KCNT2: variants seen among roughly 807,000 people sequenced by gnomAD.
KCNT2 encodes potassium sodium-activated channel subfamily T member 2, also known as potassium channel subfamily T member 2.
Under a neutral mutation model 153.8 loss-of-function variants are expected in KCNT2, and 67 were observed. The ratio of observed to expected loss-of-function variants is 0.44; its 90% CI spans 0.36 to 0.53. The LOEUF (loss-of-function observed/expected upper bound fraction) is 0.53, where lower values mean the gene tolerates loss of function less well. KCNT2 is among the 20% of genes least tolerant of loss of function. The probability of loss-of-function intolerance (pLI) is 0.00; values close to 1 mark genes in which losing one functional copy is unlikely to be tolerated. For synonymous variants in KCNT2, 500 were observed against 458.8 expected (o/e 1.09, Z -1.15); for missense variants, 975 against 1,354.8 (o/e 0.72, Z 4.40).
chr1:196,510,436 T>C (rs371823531), intron 1 of KCNT2, among the ~76,000 whole-genome samples: 2 of 152,132 alleles, frequency 1.3e-5, no homozygotes, highest in Non-Finnish European at 2.9e-5. Flanking sequence ...CCCTAACTTA[T>C]ATTATACACA....
At chr1:196,456,126 C>G (rs981696832) in intron 8 of KCNT2, among the ~76,000 whole-genome samples, 1 of 151,986 alleles carries the variant, frequency 6.6e-6, no homozygotes, top group Non-Finnish European at 1.5e-5. Context: ...TTCTTGCCTG[C>G]CTCAGGAGGC....
intron 2 of KCNT2, among the ~76,000 whole-genome samples, chr1:196,490,653 T>G (rs1176254523): frequency 6.6e-5 from 10 of 151,850 alleles, no homozygotes; most frequent in African/African-American, 2.4e-4. Flanking sequence ...CTTAAACTTT[T>G]GTGGGAATTA....
chr1:196,415,202 G>A (rs1672657430), intron 12 of KCNT2, among the ~76,000 whole-genome samples: 1 of 151,792 alleles, frequency 6.6e-6, no homozygotes, highest in Admixed American at 6.6e-5. Flanking sequence ...GAAAACTGGA[G>A]AAAACATGCA....
intron 26 of KCNT2, among the ~76,000 whole-genome samples, chr1:196,241,360 A>G (rs1004574268): frequency 1.3e-5 from 2 of 152,024 alleles, no homozygotes; most frequent in African/African-American, 4.8e-5. Context: ...TTATCCACCT[A>G]TAAAACTGGC....
intron 19 of KCNT2, among the ~76,000 whole-genome samples, chr1:196,322,829 A>G (rs191968396): frequency 6.6e-6 from 1 of 151,970 alleles, no homozygotes; most frequent in African/African-American, 2.4e-5. Context: ...ATTCCTTGCT[A>G]GACAATATGA....
chr1:196,442,385 C>T (rs990690473), intron 8 of KCNT2, among the ~76,000 whole-genome samples: 63 of 151,900 alleles, frequency 4.1e-4, no homozygotes, highest in African/African-American at 1.5e-3. Context: ...GTGTCAGGCA[C>T]AGTACTTAGT....
chr1:196,435,409 A>G (rs1674569797), intron 8 of KCNT2, among the ~76,000 whole-genome samples: 1 of 151,064 alleles, frequency 6.6e-6, no homozygotes, highest in Non-Finnish European at 1.5e-5. Context: ...AAATTGGGGA[A>G]TTTGAAATGC....
intron 1 of KCNT2, among the ~76,000 whole-genome samples, chr1:196,571,363 A>G (rs1425952232): frequency 6.6e-6 from 1 of 152,116 alleles, no homozygotes; most frequent in Non-Finnish European, 1.5e-5. Flanking sequence ...AGAAAGAATG[A>G]GAGAGGTAAG....
intron 1 of KCNT2, among the ~76,000 whole-genome samples, chr1:196,599,637 G>A (rs1011513218): frequency 3.9e-5 from 6 of 152,168 alleles, no homozygotes; most frequent in Non-Finnish European, 5.9e-5. Flanking sequence ...AGACTCTAAA[G>A]AGGAAAGAGG....
At chr1:196,360,955 T>C (rs1667566743) in intron 14 of KCNT2, among the ~76,000 whole-genome samples, 1 of 151,976 alleles carries the variant, frequency 6.6e-6, no homozygotes, top group Non-Finnish European at 1.5e-5. Flanking sequence ...CATTATGTAG[T>C]ATCCTGATGA....
At chr1:196,514,416 C>T (rs1442949108) in intron 1 of KCNT2, among the ~76,000 whole-genome samples, 1 of 152,130 alleles carries the variant, frequency 6.6e-6, no homozygotes, top group Non-Finnish European at 1.5e-5. Context: ...TCTTCTTCAG[C>T]CTTCCCCTCA....
chr1:196,514,478 G>A (rs1295642879), intron 1 of KCNT2, among the ~76,000 whole-genome samples: 1 of 152,046 alleles, frequency 6.6e-6, no homozygotes, highest in East Asian at 1.9e-4. Context: ...TCTATGTGGG[G>A]AAAACACCAC....
chr1:196,431,493 G>A (rs562744852), intron 8 of KCNT2, among the ~76,000 whole-genome samples: 161 of 152,144 alleles, frequency 1.1e-3, no homozygotes, highest in African/African-American at 3.8e-3. Flanking sequence ...GGGAAATACC[G>A]ACGGTAACGG....
At chr1:196,233,510 AC>A (rs1047601149) in intron 27 of KCNT2, among the ~76,000 whole-genome samples, 2 of 151,438 alleles carry the variant, frequency 1.3e-5, no homozygotes, top group African/African-American at 4.8e-5. Flanking sequence ...TTTGGAAAAA[AC>A]ATTCCCTATT....
chr1:196,250,098 G>C (rs76159510), intron 26 of KCNT2, among the ~76,000 whole-genome samples: 1 of 151,094 alleles, frequency 6.6e-6, no homozygotes, highest in Non-Finnish European at 1.5e-5. Flanking sequence ...AAAAAAAAAA[G>C]CATTCTAAAA....
At chr1:196,562,495 T>C (rs1299956918) in intron 1 of KCNT2, among the ~76,000 whole-genome samples, 1 of 151,972 alleles carries the variant, frequency 6.6e-6, no homozygotes. Context: ...CTTAGAATTT[T>C]ATTTTTTAGT....
At chr1:196,599,859 C>T (rs1388467696) in intron 1 of KCNT2, among the ~76,000 whole-genome samples, 1 of 152,304 alleles carries the variant, frequency 6.6e-6, no homozygotes, top group East Asian at 1.9e-4. Flanking sequence ...CATCCAAGAG[C>T]ATATTTTTCT....
At chr1:196,607,268 T>A (rs1665423491) in intron 1 of KCNT2, among the ~76,000 whole-genome samples, 1 of 152,224 alleles carries the variant, frequency 6.6e-6, no homozygotes, top group Non-Finnish European at 1.5e-5. Flanking sequence ...AACATTTCAA[T>A]TGAGTTGAGA....
At chr1:196,467,878 A>C (rs1333208644) in intron 6 of KCNT2, 92 bp from the exon 7 acceptor site, 5 of 593,524 alleles carry the variant, frequency 8.4e-6, no homozygotes, top group African/African-American at 7.4e-5. Context: ...AAAGCTGTTA[A>C]AGAAAGTATA....
Sources: gnomAD v4.1 joint callset for allele counts (sites outside exome capture counted in the v4.1 genomes callset) on GRCh38, gnomAD v4.1.1 for gene constraint, MANE v1.5 for transcripts, NCBI Gene and HGNC (gene_info 2026-07-23, HGNC 2026-07-21) for gene names.